The following BRIP1 variants were observed in gnomAD, a reference collection of about 807,000 sequenced individuals.
BRIP1 encodes Fanconi anemia group J protein.
Under a neutral mutation model 119.7 loss-of-function variants are expected in BRIP1, and 88 were observed. That is an observed-to-expected ratio of 0.74 (90% confidence interval 0.62 to 0.88). The LOEUF (loss-of-function observed/expected upper bound fraction) is 0.88, where lower values mean the gene tolerates loss of function less well. Ranked by LOEUF, BRIP1 falls within the 40% of genes least tolerant of loss-of-function variation. The pLI, the probability that BRIP1 is intolerant of heterozygous loss-of-function variation, is 0.00. For missense variants in BRIP1, 1,259 were observed against 1,455.4 expected (o/e 0.87, Z 2.20); for synonymous variants, 443 against 496.5 (o/e 0.89, Z 1.43).
intron 14 of BRIP1, among the ~76,000 whole-genome samples, chr17:61,772,043 G>T (rs2077456169): frequency 6.6e-6 from 1 of 151,106 alleles, no homozygotes; most frequent in African/African-American, 2.4e-5. Context: ...TTGAAAGCAA[G>T]GTCACAAATA....
intron 6 of BRIP1, among the ~76,000 whole-genome samples, chr17:61,821,495 C>T (rs1567848336): frequency 1.4e-5 from 2 of 147,084 alleles, no homozygotes; most frequent in African/African-American, 5.0e-5. Flanking sequence ...ATTTCATTCT[C>T]TTTTTTTTTC....
Position 61,760,245 on chromosome 17 carries a change from G to A in BRIP1, c.2098-15654C>T, listed in dbSNP as rs1310278484. 6.6e-6 allele frequency among the ~76,000 whole-genome samples: 1 copy of A among 151,818 alleles called. No homozygotes were observed. Among genetic ancestry groups the A allele is most frequent in the Non-Finnish European group, 1.5e-5 (1 of 67,880 alleles). ...AAGGGAAATTTAAAAAAAATATATTGAGACAAACAAAAATGGAAACACAAC... is the reference window on the plus strand; with the variant it reads ...AAGGGAAATTTAAAAAAAATATATTAAGACAAACAAAAATGGAAACACAAC... On this transcript the variant is annotated intron_variant, in intron 14 of 19. Transcript: ENST00000259008. The surrounding 1 kb of genome is among the most constrained non-coding windows in gnomAD (Gnocchi z 4.6).
At chr17:61,715,529 T>A (rs1383591701) in intron 17 of BRIP1, among the ~76,000 whole-genome samples, 1 of 152,204 alleles carries the variant, frequency 6.6e-6, no homozygotes, top group Non-Finnish European at 1.5e-5. Context: ...TCAAATAGAA[T>A]ATCTCCTCAC....
chr17:61,720,944 A>G lies in BRIP1; in HGVS notation c.2380-4881T>C, dbSNP rs2061962941. 6.6e-6 allele frequency among the ~76,000 whole-genome samples: 1 copy of G among 151,984 alleles called. No individual in the cohort carries two copies. Among genetic ancestry groups the G allele is most frequent in the Admixed American group, 6.6e-5 (1 of 15,262 alleles). ...CTGCAACCTCCGCCTCCCAGGTTCA[A>G]GCAGTTCTCCTCTCAGCCTCCCAAG... On this transcript the variant is annotated intron_variant, in intron 16 of 19. Coordinates refer to ENST00000259008, the MANE Select transcript of BRIP1 (RefSeq NM_032043.3). This position sits in a 1 kb window ranked among gnomAD's most constrained non-coding sequence, Gnocchi z 4.3.
chr17:61,732,058 T>C lies in BRIP1; in HGVS notation c.2379+10955A>G, dbSNP rs544545090. Among the ~76,000 whole-genome samples, 12 of 140,144 alleles carry C rather than the reference T, an allele frequency of 8.6e-5. No homozygotes were observed. The East Asian group carries it at 2.6e-3, about 30-fold the overall frequency. 91.9% of individuals were successfully genotyped at this position (140,144 alleles called of 152,430 possible). A position where few individuals can be genotyped will look rare whatever the true frequency, so the allele number is the denominator to read the frequency against. ...GTGCAGTGGAGCAATCTCGGCTCAC[T>C]GCAACCTCCCCCTCCCAAGTTCAAG... On this transcript the variant is annotated intron_variant, in intron 16 of 19. Coordinates refer to ENST00000259008, the MANE Select transcript of BRIP1 (RefSeq NM_032043.3).
At position 61,683,922 on chromosome 17, in the gene BRIP1, C is replaced by T. The variant is rs776002434; in HGVS notation, c.3124G>A (p.Glu1042Lys). The T allele has an allele frequency of 6.2e-7, 1 of 1,614,150 alleles. No homozygotes were observed. The highest frequency in any genetic ancestry group is 1.1e-5 in the South Asian group (1 of 91,086). Reference sequence around the variant, plus strand: ...GTGAAGGGCAAAACAGTTTTACTTTCCATCTTCTCTGTTTTGAAACGGGGA... The same window carrying T: ...GTGAAGGGCAAAACAGTTTTACTTTTCATCTTCTCTGTTTTGAAACGGGGA... Reference protein sequence around the residue: ...SPPRFKTEKMESKTVLPFTDK... With the variant: ...SPPRFKTEKMKSKTVLPFTDK... Residue 1042 changes from glutamate to lysine, a missense_variant, in exon 20 of 20, where the codon GAA becomes AAA. Physicochemically the swap from Glu to Lys is moderately conservative, Grantham distance 56. Coordinates refer to ENST00000259008, the MANE Select transcript of BRIP1 (RefSeq NM_032043.3). This position sits in a 1 kb window ranked among gnomAD's most constrained non-coding sequence, Gnocchi z 4.7.
In BRIP1 at chr17:61,754,582, G is replaced by A. The variant is rs1038187451; in HGVS notation, c.2098-9991C>T. Among the ~76,000 whole-genome samples, 1 of 152,052 alleles carries A rather than the reference G, an allele frequency of 6.6e-6. No homozygotes were observed. Among genetic ancestry groups the A allele is most frequent in the South Asian group, 2.1e-4 (1 of 4,820 alleles). ...GGCTACCACACAAAAATATCAGACT[G>A]AATGGCTTAAACAAAAGAAATTTAT... is the stretch of plus-strand genomic sequence containing the variant. On this transcript the variant is annotated intron_variant, in intron 14 of 19. Coordinates refer to ENST00000259008, the MANE Select transcript of BRIP1 (RefSeq NM_032043.3). The surrounding 1 kb of genome is among the most constrained non-coding windows in gnomAD (Gnocchi z 4.1).
rs2144073872 is a variant in BRIP1, at chr17:61,683,550, A to C, written c.3496T>G (p.Leu1166Val). ...CTAATTTCAAAAAGGTCTTTAGCTA[A>C]AATGCAATCTGAATTGTTAGCCAAT... ...NRLANNSDCI[L>V]AKDLFEIRTI... Residue 1166 changes from leucine to valine, a missense_variant, in exon 20 of 20, where the codon TTA (leucine) becomes GTA (valine). Physicochemically the swap from Leu to Val is conservative, Grantham distance 32 (BLOSUM62 1). Around this residue, in one of 3 missense-constraint regions of BRIP1, gnomAD observed 753 missense variants for 891.8 expected, o/e 0.84. Coordinates refer to ENST00000259008, the MANE Select transcript of BRIP1 (RefSeq NM_032043.3). This position sits in a 1 kb window ranked among gnomAD's most constrained non-coding sequence, Gnocchi z 4.7. The C allele has an allele frequency of 1.2e-6, 2 of 1,613,246 alleles. No individual in the cohort carries two copies. The highest frequency in any genetic ancestry group is 1.7e-6 in the Non-Finnish European group (2 of 1,179,978).
rs1426721851 is a variant in BRIP1 at position 61,713,883 on chromosome 17, T to C, written c.2492+2068A>G. Among the ~76,000 whole-genome samples, 4 of 152,022 alleles carry C rather than the reference T, an allele frequency of 2.6e-5. No homozygotes were observed. The highest frequency in any genetic ancestry group is 2.1e-4 in the South Asian group (1 of 4,816). The stretch of plus-strand genomic sequence containing the variant: ...AAATAAAAAATAAAAATTTCAAAAA[T>C]AGAAAAAGCTTATAGAATAAGGATA... On this transcript the variant is annotated intron_variant, in intron 17 of 19. Coordinates refer to ENST00000259008, the MANE Select transcript of BRIP1 (RefSeq NM_032043.3). The surrounding 1 kb of genome is among the most constrained non-coding windows in gnomAD (Gnocchi z 4.9).
chr17:61,847,812 A>G (rs2078757113), intron 5 of BRIP1, among the ~76,000 whole-genome samples: 1 of 152,196 alleles, frequency 6.6e-6, no homozygotes, highest in South Asian at 2.1e-4. Context: ...TATTCACTAT[A>G]TAATTGGGGA....
At chr17:61,728,970 G>C (rs907920574) in intron 16 of BRIP1, among the ~76,000 whole-genome samples, 2 of 152,130 alleles carry the variant, frequency 1.3e-5, no homozygotes, top group African/African-American at 2.4e-5. Flanking sequence ...AAGTGGAAGA[G>C]AGGAGGGTTC....
At chr17:61,858,639 C>T (rs2078932327) in intron 3 of BRIP1, among the ~76,000 whole-genome samples, 2 of 152,160 alleles carry the variant, frequency 1.3e-5, no homozygotes, top group South Asian at 4.1e-4. Context: ...TCCCAAAGTG[C>T]TGGGATTACA....
rs1190562622 is a variant in BRIP1, at chr17:61,848,654, T to C, written c.507+475A>G. On this transcript the variant is annotated intron_variant, in intron 5 of 19. Transcript: ENST00000259008. This position sits in a 1 kb window ranked among gnomAD's most constrained non-coding sequence, Gnocchi z 4.3. Reference sequence around the variant, plus strand: ...TCTGGTAATTCAAGCCTTTTAGTAATTTTTAGAAATAAATATACATATTTT... The same window carrying C: ...TCTGGTAATTCAAGCCTTTTAGTAACTTTTAGAAATAAATATACATATTTT... 1.3e-5 allele frequency among the ~76,000 whole-genome samples: 2 copies of C among 152,182 alleles called. No individual in the cohort carries two copies. The highest frequency in any genetic ancestry group is 2.9e-5 in the Non-Finnish European group (2 of 68,038).
At position 61,815,463 on chromosome 17, in the gene BRIP1, T is replaced by C. The variant is rs1054515807; in HGVS notation, c.628-6706A>G. The stretch of plus-strand genomic sequence containing the variant: ...TCTTTATAACCAAATTAGCCAGACA[T>C]AGTTATTCTGTAAAGGAATAAACAA... On this transcript the variant is annotated intron_variant, in intron 6 of 19. Coordinates refer to ENST00000259008, the MANE Select transcript of BRIP1 (RefSeq NM_032043.3). The surrounding 1 kb of genome is among the most constrained non-coding windows in gnomAD (Gnocchi z 4.1). Among the ~76,000 whole-genome samples, 2 of 152,186 alleles carry C rather than the reference T, an allele frequency of 1.3e-5. No homozygotes were observed. Among genetic ancestry groups the C allele is most frequent in the African/African-American group, 4.8e-5 (2 of 41,460 alleles).
chr17:61,811,664 G>A (rs950383935), intron 6 of BRIP1, among the ~76,000 whole-genome samples: 10 of 151,588 alleles, frequency 6.6e-5, no homozygotes, highest in East Asian at 3.9e-4. Flanking sequence ...TAAAAGATTC[G>A]GTACAGGCCG....
chr17:61,787,772 G>C (rs1270737519), intron 10 of BRIP1, among the ~76,000 whole-genome samples: 1 of 152,114 alleles, frequency 6.6e-6, no homozygotes, highest in Non-Finnish European at 1.5e-5. Context: ...AGCCTCCTGA[G>C]TAGCGGGGAC....
Position 61,753,930 on chromosome 17 carries a change from T to G in BRIP1, c.2098-9339A>C, listed in dbSNP as rs1397213889. On this transcript the variant is annotated intron_variant, in intron 14 of 19. Coordinates refer to ENST00000259008, the MANE Select transcript of BRIP1 (RefSeq NM_032043.3). The surrounding 1 kb of genome is among the most constrained non-coding windows in gnomAD (Gnocchi z 4.6). ...CCCAGCCCCTCATCTCTACTACTGC[T>G]CATCCAATTCATCAGCAAATCCTGC... 6.6e-6 allele frequency among the ~76,000 whole-genome samples: 1 copy of G among 152,120 alleles called. No individual in the cohort carries two copies. The highest frequency in any genetic ancestry group is 1.5e-5 in the Non-Finnish European group (1 of 68,024).
At chr17:61,711,743 C>G (rs1393517883) in intron 17 of BRIP1, among the ~76,000 whole-genome samples, 1 of 152,020 alleles carries the variant, frequency 6.6e-6, no homozygotes, top group African/African-American at 2.4e-5. Flanking sequence ...TGGCATGTGC[C>G]TGTAATCCCA....
At chr17:61,728,094 G>T (rs2076793795) in intron 16 of BRIP1, among the ~76,000 whole-genome samples, 1 of 152,060 alleles carries the variant, frequency 6.6e-6, no homozygotes. Context: ...CTCTGAAAGT[G>T]CTGGGATTAC....
Sources: gnomAD v4.1 joint callset for allele counts (sites outside exome capture counted in the v4.1 genomes callset) on GRCh38, gnomAD v4.1.1 for gene constraint, gnomAD v4.1.1 regional missense constraint, Gnocchi (gnomAD v3.1) non-coding constraint, MANE v1.5 for transcripts, NCBI Gene and HGNC (gene_info 2026-07-23, HGNC 2026-07-21) for gene names.